Variants in SLC1A2 observed in about 807,000 individuals in gnomAD.
SLC1A2 encodes solute carrier family 1 member 2.
SLC1A2 carries 15 observed loss-of-function variants against 48.8 expected under a neutral mutation model. That is an observed-to-expected ratio of 0.31 (90% CI 0.21 to 0.47). The LOEUF (loss-of-function observed/expected upper bound fraction) is 0.47. Ranked by LOEUF, SLC1A2 falls within the 20% of genes least tolerant of loss-of-function variation. SLC1A2 has a pLI of 0.99. For synonymous variants in SLC1A2, 279 were observed against 272.6 expected (o/e 1.02, Z -0.23); for missense variants, 502 against 730.5 (o/e 0.69, Z 3.61).
At chr11:35,382,042 G>T (rs1249709422) in intron 1 of SLC1A2, among the ~76,000 whole-genome samples, 2 of 152,166 alleles carry the variant, frequency 1.3e-5, no homozygotes, top group Admixed American at 1.3e-4. Context: ...TATGAAGCAG[G>T]TATGATAACA....
At chr11:35,366,834 C>T (rs1000606792) in intron 1 of SLC1A2, among the ~76,000 whole-genome samples, 2 of 152,218 alleles carry the variant, frequency 1.3e-5, no homozygotes, top group Admixed American at 6.5e-5. Context: ...GCCCTGGCTG[C>T]TGCTTCAGCC....
At chr11:35,265,496 A>G (rs1261436743) in intron 10 of SLC1A2, 31 bp downstream of exon 10, 1 of 1,156,598 alleles carries the variant, frequency 8.6e-7, no homozygotes, top group Admixed American at 1.7e-5. Context: ...TACTATATAC[A>G]AGTCTCGATA....
chr11:35,281,752 T>C (rs1158014286), intron 8 of SLC1A2: 1 of 152,064 alleles, frequency 6.6e-6, no homozygotes, highest in Non-Finnish European at 1.5e-5. Flanking sequence ...AAGTGCCCTG[T>C]CCTGACACCA....
intron 8 of SLC1A2, among the ~76,000 whole-genome samples, chr11:35,285,144 T>C (rs1850770702): frequency 1.3e-5 from 2 of 152,232 alleles, no homozygotes; most frequent in African/African-American, 4.8e-5. Context: ...AAAAACACTA[T>C]TCTAATGTCT....
At position 35,327,988 on chromosome 11, in the gene SLC1A2, T is replaced by C. The variant is rs1486990591; in HGVS notation, c.18-10472A>G. Among the ~76,000 whole-genome samples, 4 of 152,226 alleles carry C rather than the reference T, an allele frequency of 2.6e-5. 1 individual carries two copies. The highest frequency in any genetic ancestry group is 7.2e-5 in the African/African-American group (3 of 41,462). On this transcript the variant is annotated intron_variant, in intron 1 of 10. Coordinates refer to ENST00000278379, the MANE Select transcript of SLC1A2 (RefSeq NM_004171.4). ...CTACACCAAGGCACTAGGTAGCTAC[T>C]TATGAGACTTGCATTCTAGCACATG...
At chr11:35,294,167 T>C (rs1035011454) in intron 6 of SLC1A2, among the ~76,000 whole-genome samples, 1 of 152,180 alleles carries the variant, frequency 6.6e-6, no homozygotes, top group African/African-American at 2.4e-5. Context: ...TCTCATGGGA[T>C]ACCCAATTGC....
chr11:35,399,580 A>AATC (rs1855077890), intron 1 of SLC1A2: 2 of 982,032 alleles, frequency 2.0e-6, no homozygotes, highest in Non-Finnish European at 1.2e-6. Context: ...CAAACCTGGT[A>AATC]ATCATGATGC....
chr11:35,338,381 C>T (rs1189384350), intron 1 of SLC1A2, among the ~76,000 whole-genome samples: 1 of 152,154 alleles, frequency 6.6e-6, no homozygotes, highest in African/African-American at 2.4e-5. Flanking sequence ...CAGGGCAATT[C>T]CCCTTCTAAC....
At chr11:35,397,813 A>C (rs1590273609) in intron 1 of SLC1A2, among the ~76,000 whole-genome samples, 2 of 152,196 alleles carry the variant, frequency 1.3e-5, no homozygotes, top group Admixed American at 6.5e-5. Flanking sequence ...ACTAGACACC[A>C]AATCTGCCAG....
chr11:35,285,752 C>T (rs1565214280), intron 8 of SLC1A2: 1 of 152,192 alleles, frequency 6.6e-6, no homozygotes, highest in African/African-American at 2.4e-5. Flanking sequence ...AAATTCTAAT[C>T]TTTTACAATA....
chr11:35,418,831 G>A (rs1855690530), intron 1 of SLC1A2, 119 bp downstream of exon 1: 11 of 841,496 alleles, frequency 1.3e-5, no homozygotes, highest in Non-Finnish European at 2.0e-5. Flanking sequence ...CCAAGCTACG[G>A]CTCCGCCACC....
At chr11:35,390,468 T>A (rs1854728643) in intron 1 of SLC1A2, among the ~76,000 whole-genome samples, 1 of 152,130 alleles carries the variant, frequency 6.6e-6, no homozygotes, top group Non-Finnish European at 1.5e-5. Flanking sequence ...TGAGAAGCAA[T>A]ATTGAGGTTA....
intron 4 of SLC1A2, among the ~76,000 whole-genome samples, chr11:35,311,270 T>C (rs1591457697): frequency 6.6e-6 from 1 of 151,964 alleles, no homozygotes; most frequent in Non-Finnish European, 1.5e-5. Flanking sequence ...AGCAATTCTC[T>C]TGCCTCGGCC....
intron 7 of SLC1A2, among the ~76,000 whole-genome samples, chr11:35,289,108 A>C (rs1850914087): frequency 6.6e-6 from 1 of 152,186 alleles, no homozygotes; most frequent in African/African-American, 2.4e-5. Flanking sequence ...TTTAAGTATT[A>C]GTTTTAACAG....
intron 9 of SLC1A2, among the ~76,000 whole-genome samples, chr11:35,269,852 G>A (rs1850230283): frequency 6.6e-6 from 1 of 152,202 alleles, no homozygotes. Context: ...GCTCACGCCT[G>A]CAATCCCAGC....
chr11:35,273,819 G>T (rs754628649), intron 9 of SLC1A2, among the ~76,000 whole-genome samples: 2 of 152,182 alleles, frequency 1.3e-5, no homozygotes, highest in Non-Finnish European at 1.5e-5. Flanking sequence ...GTGAATTTAA[G>T]ACTTGAAAGC....
At chr11:35,293,839 C>T (rs933627397) in intron 6 of SLC1A2, among the ~76,000 whole-genome samples, 1 of 152,148 alleles carries the variant, frequency 6.6e-6, no homozygotes, top group Non-Finnish European at 1.5e-5. Flanking sequence ...ATGAATACTA[C>T]ATAAGACATG....
chr11:35,277,882 T>G (rs1288404382), intron 9 of SLC1A2, among the ~76,000 whole-genome samples: 1 of 152,256 alleles, frequency 6.6e-6, no homozygotes, highest in Admixed American at 6.5e-5. Context: ...AATGTCTTTA[T>G]TTCCCTTTTG....
At chr11:35,282,838 C>T (rs1850684154) in intron 8 of SLC1A2, among the ~76,000 whole-genome samples, 1 of 152,156 alleles carries the variant, frequency 6.6e-6, no homozygotes, top group Admixed American at 6.5e-5. Context: ...TTGCTTTCCC[C>T]TCTTGTCCCT....
Sources: allele counts gnomAD v4.1 joint callset (sites outside exome capture counted in the v4.1 genomes callset), GRCh38; gene constraint gnomAD v4.1.1; transcripts MANE v1.5; gene names NCBI Gene and HGNC (gene_info 2026-07-23, HGNC 2026-07-21).